FOXP2: variants seen among roughly 807,000 people sequenced by gnomAD.
FOXP2 encodes forkhead box protein P2.
FOXP2 carries 12 observed loss-of-function variants against 115.8 expected under a neutral mutation model. The ratio of observed to expected loss-of-function variants is 0.10; its 90% CI spans 0.07 to 0.17. The LOEUF (loss-of-function observed/expected upper bound fraction) is 0.17, where lower values mean the gene tolerates loss of function less well. FOXP2 is among the 10% of genes least tolerant of loss of function. The probability of loss-of-function intolerance (pLI) is 1.00; values close to 1 mark genes in which losing one functional copy is unlikely to be tolerated. For synonymous variants in FOXP2, 328 were observed against 297.7 expected (o/e 1.10, Z -1.05); for missense variants, 629 against 843.5 (o/e 0.75, Z 3.15).
At chr7:114,637,949 A>G (rs1805313895) in intron 6 of FOXP2, among the ~76,000 whole-genome samples, 1 of 152,168 alleles carries the variant, frequency 6.6e-6, no homozygotes, top group Admixed American at 6.6e-5. Flanking sequence ...TCATATGTGA[A>G]GCACTTAGAA....
At chr7:114,119,981 A>G (rs1584489910) in intron 1 of FOXP2, among the ~76,000 whole-genome samples, 1 of 152,194 alleles carries the variant, frequency 6.6e-6, no homozygotes, top group Non-Finnish European at 1.5e-5. Flanking sequence ...TACTTTGAAT[A>G]GTACATACCT....
chr7:114,420,649 A>C (rs1320992706), intron 1 of FOXP2, among the ~76,000 whole-genome samples: 1 of 151,874 alleles, frequency 6.6e-6, no homozygotes, highest in African/African-American at 2.4e-5. Context: ...ATTGCAAAAA[A>C]TATTACATTT....
intron 1 of FOXP2, among the ~76,000 whole-genome samples, chr7:114,093,556 G>A (rs1799583667): frequency 6.6e-6 from 1 of 151,996 alleles, no homozygotes; most frequent in Admixed American, 6.5e-5. Context: ...ATGAAGGAAT[G>A]AATGTTTCAT....
intron 2 of FOXP2, among the ~76,000 whole-genome samples, chr7:114,319,390 T>C (rs1314879609): frequency 6.6e-6 from 1 of 152,206 alleles, no homozygotes; most frequent in East Asian, 1.9e-4. Flanking sequence ...TGTATTACAG[T>C]ATTTTTCCAT....
intron 3 of FOXP2, among the ~76,000 whole-genome samples, chr7:114,549,708 T>A (rs1227006745): frequency 6.6e-6 from 1 of 152,232 alleles, no homozygotes; most frequent in Non-Finnish European, 1.5e-5. Context: ...TTATCCAGGA[T>A]GAAATTAAAA....
chr7:114,553,010 G>A (rs752525025), intron 3 of FOXP2, among the ~76,000 whole-genome samples: 42 of 151,976 alleles, frequency 2.8e-4, no homozygotes, highest in Admixed American at 4.6e-4. Flanking sequence ...AGTCACTTTT[G>A]AAACAGTATT....
At chr7:114,169,441 C>A (rs1793077335) in intron 1 of FOXP2, among the ~76,000 whole-genome samples, 1 of 152,140 alleles carries the variant, frequency 6.6e-6, no homozygotes. Context: ...ATTGCATGGG[C>A]CCTGTATCCA....
At chr7:114,665,236 G>A (rs1807102028) in intron 16 of FOXP2, 1 of 151,928 alleles carries the variant, frequency 6.6e-6, no homozygotes, top group Non-Finnish European at 1.5e-5. Flanking sequence ...TATTGACCGT[G>A]GTAGAACTCA....
intron 3 of FOXP2, among the ~76,000 whole-genome samples, chr7:114,568,195 C>T (rs1801115911): frequency 6.6e-6 from 1 of 151,800 alleles, no homozygotes; most frequent in South Asian, 2.1e-4. Flanking sequence ...AGTTCTGTGT[C>T]TCTTGTTCCT....
chr7:114,154,188 A>G (rs981339396), intron 1 of FOXP2, among the ~76,000 whole-genome samples: 10 of 152,154 alleles, frequency 6.6e-5, no homozygotes, highest in Middle Eastern at 3.2e-3. Context: ...TAAAGCTGCA[A>G]GCATGTTACA....
chr7:114,446,017 A>C (rs921080683), intron 2 of FOXP2, among the ~76,000 whole-genome samples: 2 of 147,758 alleles, frequency 1.4e-5, no homozygotes, highest in Non-Finnish European at 3.0e-5. Context: ...ATACTGAATT[A>C]ATTAGTCTGT....
intron 3 of FOXP2, among the ~76,000 whole-genome samples, chr7:114,546,661 C>T (rs756606489): frequency 2.6e-5 from 4 of 151,962 alleles, no homozygotes; most frequent in Admixed American, 6.6e-5. Context: ...GGAGTCTTCT[C>T]TGATGCATCA....
At chr7:114,360,051 C>T (rs1027277589) in intron 2 of FOXP2, among the ~76,000 whole-genome samples, 2 of 152,066 alleles carry the variant, frequency 1.3e-5, no homozygotes, top group Admixed American at 6.6e-5. Context: ...CCATAATCCC[C>T]ATGTGTCATG....
At chr7:114,296,963 A>G (rs1473232258) in intron 2 of FOXP2, among the ~76,000 whole-genome samples, 2 of 152,174 alleles carry the variant, frequency 1.3e-5, no homozygotes, top group Non-Finnish European at 2.9e-5. Context: ...TTAAATGTGT[A>G]TAGTTAATTT....
rs140501495 is a variant in FOXP2 at position 114,626,553 on chromosome 7, GTC to G, written c.259-1977_259-1976del. ...CATATCTCTCTCTCTCTCTCTCTCT[GTC>G]TCTCTCTCTATATATATCCATGTAC... On this transcript the variant is annotated intron_variant, in intron 3 of 16. Transcript: ENST00000350908. Among the ~76,000 whole-genome samples, 21 of 136,024 alleles carry G rather than the reference GTC, an allele frequency of 1.5e-4. No individual in the cohort carries two copies. The East Asian group carries it at 4.0e-3, about 26-fold the overall frequency. The allele number at this position is 136,024 out of a possible 152,430, so 89.2% of individuals were successfully genotyped here. A position where few individuals can be genotyped will look rare whatever the true frequency, so the allele number is the denominator to read the frequency against.
At chr7:114,297,057 T>G (rs1796756279) in intron 2 of FOXP2, 1 of 389,620 alleles carries the variant, frequency 2.6e-6, no homozygotes, top group Admixed American at 3.6e-5. Flanking sequence ...TATATGCATT[T>G]TTTTTTTTCC....
At chr7:114,612,731 G>A (rs1281985498) in intron 3 of FOXP2, among the ~76,000 whole-genome samples, 2 of 152,102 alleles carry the variant, frequency 1.3e-5, no homozygotes, top group African/African-American at 2.4e-5. Flanking sequence ...TAGTTGTATA[G>A]GATAGTAGCA....
At chr7:114,413,210 A>G (rs894116248), upstream of FOXP2, among the ~76,000 whole-genome samples, 17 of 152,238 alleles carry the variant, frequency 1.1e-4, no homozygotes, top group Middle Eastern at 0.017. Context: ...GTGTCATTGT[A>G]TACATTATTC....
At chr7:114,145,561 C>G (rs1792349219) in intron 1 of FOXP2, among the ~76,000 whole-genome samples, 1 of 148,134 alleles carries the variant, frequency 6.8e-6, no homozygotes, top group Non-Finnish European at 1.5e-5. Flanking sequence ...GATCTCGGCT[C>G]ACTGCAACCT....
Sources: gnomAD v4.1 joint callset for allele counts (sites outside exome capture counted in the v4.1 genomes callset) on GRCh38, gnomAD v4.1.1 for gene constraint, MANE v1.5 for transcripts, NCBI Gene and HGNC (gene_info 2026-07-23, HGNC 2026-07-21) for gene names.